Variants in CADPS observed in about 807,000 individuals in gnomAD.
The protein encoded by CADPS is calcium-dependent secretion activator 1.
A neutral mutation model predicts 167.3 loss-of-function variants in CADPS; 57 were observed. The ratio of observed to expected loss-of-function variants is 0.34; its 90% CI spans 0.28 to 0.42. The LOEUF is 0.42. CADPS is among the 20% of genes least tolerant of loss of function. The pLI, the probability that CADPS is intolerant of heterozygous loss-of-function variation, is 1.00. For missense variants in CADPS, 1,414 were observed against 1,738.1 expected (o/e 0.81, Z 3.32); for synonymous variants, 676 against 635.3 (o/e 1.06, Z -0.96).
chr3:62,712,930 T>C (rs944403952), intron 3 of CADPS, among the ~76,000 whole-genome samples: 2 of 152,166 alleles, frequency 1.3e-5, no homozygotes, highest in African/African-American at 4.8e-5. Context: ...GCCATATAGT[T>C]AATGGATGCA....
chr3:62,685,205 T>A (rs1456029737), intron 3 of CADPS, among the ~76,000 whole-genome samples: 2 of 151,976 alleles, frequency 1.3e-5, no homozygotes, highest in Non-Finnish European at 2.9e-5. Context: ...GAGTGGTGAT[T>A]TCACTCAAAA....
chr3:62,711,516 GAT>G (rs1291775091), intron 3 of CADPS, among the ~76,000 whole-genome samples: 1 of 152,182 alleles, frequency 6.6e-6, no homozygotes, highest in African/African-American at 2.4e-5. Flanking sequence ...CTTTGTGTAA[GAT>G]AGTTTCAAGT....
intron 6 of CADPS, among the ~76,000 whole-genome samples, chr3:62,606,221 A>C (rs1381703122): frequency 6.6e-6 from 1 of 152,148 alleles, no homozygotes; most frequent in Non-Finnish European, 1.5e-5. Flanking sequence ...TATGGTTTGA[A>C]TATTGTCCCT....
At chr3:62,682,304 CCCCTAGG>C in intron 3 of CADPS, among the ~76,000 whole-genome samples, 1 of 151,964 alleles carries the variant, frequency 6.6e-6, no homozygotes, top group Admixed American at 6.6e-5. Context: ...GGAATCTACA[CCCCTAGG>C]AAGCAGTGAA....
At chr3:62,705,680 G>C (rs1449561545) in intron 3 of CADPS, among the ~76,000 whole-genome samples, 3 of 152,064 alleles carry the variant, frequency 2.0e-5, no homozygotes, top group Non-Finnish European at 4.4e-5. Context: ...TCAAACTTTG[G>C]ACCCTAAGTT....
intron 8 of CADPS, among the ~76,000 whole-genome samples, chr3:62,574,714 T>C (rs904907121): frequency 1.3e-5 from 2 of 152,198 alleles, no homozygotes; most frequent in Non-Finnish European, 1.5e-5. Context: ...CTGTGAAATG[T>C]TGGTCAAGAT....
At chr3:62,528,551 T>C (rs1040564349) in intron 13 of CADPS, among the ~76,000 whole-genome samples, 2 of 152,212 alleles carry the variant, frequency 1.3e-5, no homozygotes, top group Non-Finnish European at 2.9e-5. Flanking sequence ...ACTATTTCAC[T>C]TGTTATTGTA....
intron 3 of CADPS, among the ~76,000 whole-genome samples, chr3:62,685,364 G>A (rs903751065): frequency 6.6e-6 from 1 of 151,902 alleles, no homozygotes; most frequent in African/African-American, 2.4e-5. Flanking sequence ...AAGAAACAAT[G>A]CGTAGAGTTT....
chr3:62,560,555 T>A (rs1301794465), intron 9 of CADPS, among the ~76,000 whole-genome samples: 1 of 152,194 alleles, frequency 6.6e-6, no homozygotes, highest in Admixed American at 6.5e-5. Flanking sequence ...CATCTGAAAG[T>A]GCACTTTGCA....
rs183451451 is a variant in CADPS, at chr3:62,491,313, G to A, written c.3026+26C>T. 2.0e-5 allele frequency: 32 copies of A among 1,611,098 alleles called. No homozygotes were observed. In the Middle Eastern group the frequency reaches 5.0e-4, roughly 25 times the overall value. The stretch of plus-strand genomic sequence containing the variant: ...CTCCAGCCATTTGTACCCAAACTCC[G>A]ATGGTATCAAAAAAGGTTTCCTTAC... On this transcript the variant is annotated intron_variant, in intron 21 of 29. Transcript: ENST00000383710.
intron 3 of CADPS, among the ~76,000 whole-genome samples, chr3:62,748,344 C>CAAAAAAAAAAAAAAAAAAAAAAAAAAAAA (rs60942307): frequency 2.1e-5 from 1 of 48,494 alleles, no homozygotes; most frequent in Non-Finnish European, 3.4e-5. Flanking sequence ...GACTCCGTCT[C>CAAAAAAAAAAAAAAAAAAAAAAAAAAAAA]AAAAAAAAAA....
intron 6 of CADPS, among the ~76,000 whole-genome samples, chr3:62,642,970 T>TCAAAACAAAA (rs923619057): frequency 7.1e-6 from 1 of 141,386 alleles, no homozygotes; most frequent in African/African-American, 2.6e-5. Context: ...AACCCAAACC[T>TCAAAACAAAA]CAAAACAAAA....
intron 3 of CADPS, among the ~76,000 whole-genome samples, chr3:62,692,886 C>T (rs568145946): frequency 2.8e-4 from 42 of 152,118 alleles, no homozygotes; most frequent in African/African-American, 9.6e-4. Flanking sequence ...TACTTCAAAA[C>T]CATCCAGGTC....
intron 26 of CADPS, among the ~76,000 whole-genome samples, chr3:62,464,155 AG>A (rs59356887): frequency 0.016 from 2,401 of 152,300 alleles, 49 homozygotes; most frequent in African/African-American, 0.055. Context: ...ATAGCTCATT[AG>A]GGAACATATT....
In CADPS at chr3:62,458,200, G is replaced by A. The variant is rs540417303; in HGVS notation, c.3636+7167C>T. On this transcript the variant is annotated intron_variant, in intron 26 of 29. Transcript: ENST00000383710. The surrounding 1 kb of genome is among the most constrained non-coding windows in gnomAD (Gnocchi z 4.6). ...AGCACCTACTAACTATATACCAGGT[G>A]TTATGAAAGGGCTACTGTTTATCTC... Among the ~76,000 whole-genome samples the A allele has an allele frequency of 2.6e-5, 4 of 152,280 alleles. No homozygotes were observed. In the East Asian group the frequency reaches 7.7e-4, roughly 29 times the overall value.
At chr3:62,680,587 C>T (rs2077004027) in intron 3 of CADPS, among the ~76,000 whole-genome samples, 1 of 152,010 alleles carries the variant, frequency 6.6e-6, no homozygotes. Flanking sequence ...TACTTCAGCA[C>T]CTTGACATGT....
intron 18 of CADPS, among the ~76,000 whole-genome samples, chr3:62,497,122 G>A (rs2167593): frequency 0.088 from 13,362 of 152,172 alleles, 731 homozygotes; most frequent in African/African-American, 0.16. Context: ...AACACAGCGA[G>A]AAAGGGCTTT....
chr3:62,493,716 G>A, intron 18 of CADPS, 51 bp from the exon 19 acceptor site: 3 of 1,513,360 alleles, frequency 2.0e-6, no homozygotes, highest in Non-Finnish European at 1.8e-6. Flanking sequence ...ATTCTGCAAG[G>A]TTGGCTTGGC....
chr3:62,472,336 T>C (rs909176808), intron 24 of CADPS, among the ~76,000 whole-genome samples: 1 of 152,134 alleles, frequency 6.6e-6, no homozygotes, highest in African/African-American at 2.4e-5. Flanking sequence ...ACTGGTGAAT[T>C]TTATGGGTAT....
Sources: allele counts gnomAD v4.1 joint callset (sites outside exome capture counted in the v4.1 genomes callset), GRCh38; gene constraint gnomAD v4.1.1; non-coding constraint Gnocchi (gnomAD v3.1); transcripts MANE v1.5; gene names NCBI Gene and HGNC (gene_info 2026-07-23, HGNC 2026-07-21).